SGCD: variants seen among roughly 807,000 people sequenced by gnomAD.
SGCD encodes delta-sarcoglycan.
A neutral mutation model predicts 36.6 loss-of-function variants in SGCD; 18 were observed. The observed-to-expected ratio is 0.49, with a 90% CI of 0.34 to 0.73. The LOEUF is 0.73. Among genes scored for constraint, SGCD ranks in the 30% least tolerant of loss-of-function variants. The probability of loss-of-function intolerance (pLI) is 0.01; values close to 1 mark genes in which losing one functional copy is unlikely to be tolerated. For missense variants in SGCD, 387 were observed against 346.7 expected (o/e 1.12, Z -0.92); for synonymous variants, 133 against 130.6 (o/e 1.02, Z -0.12).
chr5:156,341,425 T>G (rs1432788204), intron 2 of SGCD, among the ~76,000 whole-genome samples: 1 of 152,182 alleles, frequency 6.6e-6, no homozygotes, highest in East Asian at 1.9e-4. Context: ...AAGCCATTTT[T>G]TAGATGTTGT....
At chr5:156,655,659 A>T (rs1017382951) in intron 7 of SGCD, among the ~76,000 whole-genome samples, 1 of 152,146 alleles carries the variant, frequency 6.6e-6, no homozygotes, top group East Asian at 1.9e-4. Context: ...TGAAGTAAAG[A>T]TACTTTGTTC....
chr5:156,355,760 C>T (rs1769462554), intron 3 of SGCD, among the ~76,000 whole-genome samples: 1 of 152,226 alleles, frequency 6.6e-6, no homozygotes, highest in Non-Finnish European at 1.5e-5. Context: ...CCTCAGCCTC[C>T]TGAGTAGCTG....
chr5:156,573,467 T>C (rs553357864), intron 4 of SGCD, among the ~76,000 whole-genome samples: 1 of 152,208 alleles, frequency 6.6e-6, no homozygotes, highest in African/African-American at 2.4e-5. Flanking sequence ...GTCCTAACTT[T>C]AATCAGCAGT....
At chr5:156,053,687 T>C (rs1185511645) in intron 1 of SGCD, among the ~76,000 whole-genome samples, 1 of 145,942 alleles carries the variant, frequency 6.9e-6, no homozygotes, top group East Asian at 1.9e-4. Flanking sequence ...TACCACATAA[T>C]GAAATAGAGA....
rs561762500 is a variant in SGCD, at chr5:156,364,198, T to C, written c.192+19521T>C. ...GACAGCAGAAGTCTGGGGGAACCTCTTGACTTTAAAGTGACTTTTCCCTCA... is the reference window on the plus strand; with the variant it reads ...GACAGCAGAAGTCTGGGGGAACCTCCTGACTTTAAAGTGACTTTTCCCTCA... On this transcript the variant is annotated intron_variant, in intron 3 of 8. Transcript: ENST00000337851. Among the ~76,000 whole-genome samples, 9 of 152,316 alleles carry C rather than the reference T, an allele frequency of 5.9e-5. No homozygotes were observed. The South Asian group carries it at 1.0e-3, about 18-fold the overall frequency.
intron 1 of SGCD, among the ~76,000 whole-genome samples, chr5:155,903,279 G>A (rs939548869): frequency 6.6e-6 from 1 of 151,984 alleles, no homozygotes; most frequent in African/African-American, 2.4e-5. Context: ...TGACAACTGG[G>A]TTATTTCTTC....
At chr5:156,368,406 T>A (rs577031323) in intron 3 of SGCD, among the ~76,000 whole-genome samples, 1 of 152,348 alleles carries the variant, frequency 6.6e-6, no homozygotes, top group East Asian at 1.9e-4. Context: ...TCATGCTTTT[T>A]AGCACATAAT....
chr5:156,103,011 T>C (rs1761557121), intron 1 of SGCD, among the ~76,000 whole-genome samples: 1 of 152,188 alleles, frequency 6.6e-6, no homozygotes, highest in African/African-American at 2.4e-5. Flanking sequence ...GGTTTAATAA[T>C]TTACCCCAAA....
chr5:156,041,416 C>G (rs969128938), intron 1 of SGCD, among the ~76,000 whole-genome samples: 4 of 152,124 alleles, frequency 2.6e-5, no homozygotes, highest in Non-Finnish European at 4.4e-5. Context: ...TCCGATACTT[C>G]CGAAAGGCAG....
the SGCD span, among the ~76,000 whole-genome samples, chr5:155,741,984 C>T: frequency 6.6e-6 from 1 of 152,136 alleles, no homozygotes; most frequent in Non-Finnish European, 1.5e-5. Flanking sequence ...TGTGCCTGGC[C>T]ACCAGAAGTA....
At chr5:156,502,053 T>G (rs1304203474) in intron 3 of SGCD, among the ~76,000 whole-genome samples, 1 of 149,872 alleles carries the variant, frequency 6.7e-6, no homozygotes, top group East Asian at 2.0e-4. Flanking sequence ...TTTTTTTTTT[T>G]GTTTGGTTTT....
At chr5:156,101,572 AT>A (rs1761516484) in intron 1 of SGCD, among the ~76,000 whole-genome samples, 5 of 152,276 alleles carry the variant, frequency 3.3e-5, no homozygotes, top group Admixed American at 1.3e-4. Flanking sequence ...ATAGATGTCT[AT>A]ATCTTTTGTA....
intron 1 of SGCD, among the ~76,000 whole-genome samples, chr5:156,005,554 C>T (rs1209343782): frequency 6.6e-6 from 1 of 152,058 alleles, no homozygotes; most frequent in Non-Finnish European, 1.5e-5. Context: ...GGGTTCACGC[C>T]ATTCTCCTGC....
At chr5:155,911,315 G>A (rs1419275536) in intron 1 of SGCD, among the ~76,000 whole-genome samples, 4 of 119,368 alleles carry the variant, frequency 3.4e-5, no homozygotes, top group African/African-American at 1.3e-4. Flanking sequence ...GTGTGTGTGT[G>A]TGTGTATATA....
chr5:156,554,644 TTA>T (rs1263548018), intron 4 of SGCD, among the ~76,000 whole-genome samples: 6 of 147,826 alleles, frequency 4.1e-5, no homozygotes, highest in Non-Finnish European at 6.0e-5. Flanking sequence ...ATAATATATA[TTA>T]TATATATATA....
At chr5:156,451,481 C>A (rs1754012079) in intron 3 of SGCD, among the ~76,000 whole-genome samples, 1 of 152,104 alleles carries the variant, frequency 6.6e-6, no homozygotes, top group South Asian at 2.1e-4. Flanking sequence ...AAAATCTTGA[C>A]AAAACTTCCC....
At chr5:155,856,195 A>T in the SGCD span, among the ~76,000 whole-genome samples, 1 of 152,206 alleles carries the variant, frequency 6.6e-6, no homozygotes, top group South Asian at 2.1e-4. Context: ...TACTCTGTAT[A>T]TACACGCACT....
chr5:156,368,282 C>T (rs1009943564), intron 3 of SGCD, among the ~76,000 whole-genome samples: 11 of 151,816 alleles, frequency 7.2e-5, no homozygotes, highest in East Asian at 1.9e-4. Context: ...TAGTAGCGAC[C>T]GAGTTTCACC....
At chr5:156,494,315 CT>C (rs112840342) in intron 3 of SGCD, among the ~76,000 whole-genome samples, 7 of 146,780 alleles carry the variant, frequency 4.8e-5, no homozygotes, top group Admixed American at 2.1e-4. Context: ...TCAAAAAACT[CT>C]TTTTTTTAAT....
Sources: gnomAD v4.1 joint callset for allele counts (sites outside exome capture counted in the v4.1 genomes callset) on GRCh38, gnomAD v4.1.1 for gene constraint, MANE v1.5 for transcripts, NCBI Gene and HGNC (gene_info 2026-07-23, HGNC 2026-07-21) for gene names.